Variants in WDR89 observed in about 807,000 individuals in gnomAD.
WDR89 encodes WD repeat-containing protein 89.
A neutral mutation model predicts 29.1 loss-of-function variants in WDR89; 17 were observed. That is an observed-to-expected ratio of 0.58 (90% CI 0.40 to 0.88). WDR89 has a LOEUF of 0.88. Ranked by LOEUF, WDR89 falls within the 40% of genes least tolerant of loss-of-function variation. WDR89 has a pLI of 0.00. For synonymous variants in WDR89, 138 were observed against 157.8 expected, an observed-to-expected ratio of 0.87 and a Z score of 0.94; for missense variants, 396 against 456.3, an observed-to-expected ratio of 0.87 and a Z score of 1.20.
intron 2 of WDR89, among the ~76,000 whole-genome samples, chr14:63,610,260 C>A: frequency 1.4e-5 from 2 of 143,142 alleles, no homozygotes; most frequent in South Asian, 2.3e-4. Flanking sequence ...GGATTACAAT[C>A]CAAAGAATAA....
intron 2 of WDR89, among the ~76,000 whole-genome samples, chr14:63,600,717 C>CCAAAA (rs1171343231): frequency 2.8e-5 from 1 of 36,144 alleles, no homozygotes; most frequent in East Asian, 1.4e-3. Context: ...GATATGTAGG[C>CCAAAA]AAAAAAAAAA....
intron 1 of WDR89, among the ~76,000 whole-genome samples, chr14:63,634,145 G>C (rs773200774): frequency 1.3e-5 from 2 of 151,876 alleles, no homozygotes; most frequent in Non-Finnish European, 2.9e-5. Context: ...CCAACACTTT[G>C]GGAGGCCGAG....
At chr14:63,629,766 A>AT (rs1294715915) in intron 1 of WDR89, among the ~76,000 whole-genome samples, 1 of 152,068 alleles carries the variant, frequency 6.6e-6, no homozygotes, top group Non-Finnish European at 1.5e-5. Context: ...GTCAAACTTT[A>AT]TTTTTTTTAT....
intron 1 of WDR89, among the ~76,000 whole-genome samples, chr14:63,629,055 TCTTCC>T (rs1883243313): frequency 6.6e-6 from 1 of 152,174 alleles, no homozygotes; most frequent in Non-Finnish European, 1.5e-5. Context: ...CCTAAAATGT[TCTTCC>T]CTTCATCACT....
At chr14:63,605,634 G>A (rs1895287433) in intron 2 of WDR89, among the ~76,000 whole-genome samples, 1 of 151,892 alleles carries the variant, frequency 6.6e-6, no homozygotes. Flanking sequence ...TAATTTTTGT[G>A]TTTTTAGTAG....
intron 2 of WDR89, among the ~76,000 whole-genome samples, chr14:63,619,523 T>C (rs1595028964): frequency 6.6e-6 from 1 of 152,106 alleles, no homozygotes; most frequent in African/African-American, 2.4e-5. Flanking sequence ...ACTATACACC[T>C]ACTAATAGTG....
chr14:63,637,952 A>G (rs531770948), intron 1 of WDR89, among the ~76,000 whole-genome samples: 1 of 147,678 alleles, frequency 6.8e-6, no homozygotes, highest in Admixed American at 6.8e-5. Flanking sequence ...TTACGGAAAA[A>G]TTTTTTTTTT....
intron 1 of WDR89, chr14:63,641,267 C>G (rs1162328524): frequency 1.3e-5 from 2 of 152,150 alleles, no homozygotes; most frequent in Non-Finnish European, 2.9e-5. Flanking sequence ...AACACTGCTT[C>G]GCGTGAAAAT....
chr14:63,610,235 A>C (rs965126081), intron 2 of WDR89, among the ~76,000 whole-genome samples: 9 of 151,204 alleles, frequency 6.0e-5, no homozygotes, highest in Non-Finnish European at 8.9e-5. Context: ...AAAAAAAAAA[A>C]AAAAAAAAAC....
rs1325352080 is a variant in WDR89 at position 63,599,928 on chromosome 14, C to T, written c.15G>A (p.Glu5=). Residue 5 remains glutamate, a synonymous_variant, in exon 3 of 3, where the codon GAG becomes GAA. Transcript: ENST00000620954. MEKI[E]EQFANLHIVK... ...CAATGTGCAGATTAGCAAATTGTTC[C>T]TCAATCTTTTCCATGTCAACAGCAG... 6.3e-7 allele frequency: 1 copy of T among 1,598,130 alleles called. No individual in the cohort carries two copies. The highest frequency in any genetic ancestry group is 8.5e-7 in the Non-Finnish European group (1 of 1,169,902).
chr14:63,613,548 G>T (rs1414656548), intron 2 of WDR89, among the ~76,000 whole-genome samples: 1 of 146,890 alleles, frequency 6.8e-6, no homozygotes, highest in African/African-American at 2.5e-5. Flanking sequence ...CCGTTGCCCA[G>T]ACTGGAGTGC....
intron 2 of WDR89, chr14:63,618,262 C>T (rs967817236): frequency 8.5e-5 from 13 of 152,186 alleles, no homozygotes; most frequent in Non-Finnish European, 1.5e-4. Context: ...TCAAATGATC[C>T]TCTGGCCTCA....
At chr14:63,630,226 G>T (rs1370359431) in intron 1 of WDR89, among the ~76,000 whole-genome samples, 1 of 151,646 alleles carries the variant, frequency 6.6e-6, no homozygotes, top group Non-Finnish European at 1.5e-5. Flanking sequence ...GGGATTACAG[G>T]CGTGAGCCAC....
intron 1 of WDR89, among the ~76,000 whole-genome samples, chr14:63,639,435 C>G (rs974439883): frequency 1.4e-4 from 20 of 147,074 alleles, no homozygotes; most frequent in African/African-American, 4.8e-4. Context: ...GTGTACTTTT[C>G]ACCAAAGGAA....
intron 1 of WDR89, among the ~76,000 whole-genome samples, chr14:63,634,815 A>AG (rs1337653641): frequency 6.6e-6 from 1 of 150,776 alleles, no homozygotes; most frequent in Non-Finnish European, 1.5e-5. Context: ...GGTTGCGGTG[A>AG]GCCAAGATCG....
At chr14:63,621,677 A>C (rs1882703769) in intron 2 of WDR89, 1 of 152,200 alleles carries the variant, frequency 6.6e-6, no homozygotes. Context: ...TTAAACACCA[A>C]AAGGACAGAA....
At position 63,599,557 on chromosome 14, in the gene WDR89, A is replaced by G. The variant is rs1894949672; in HGVS notation, c.386T>C (p.Ile129Thr). 6.2e-7 allele frequency: 1 copy of G among 1,614,064 alleles called. No homozygotes were observed. The highest frequency in any genetic ancestry group is 1.1e-5 in the South Asian group (1 of 91,078). The change falls in exon 3 of 3, where the codon ATT becomes ACT. Residue 129 changes from isoleucine to threonine, a missense_variant. Transcript: ENST00000620954. ...ISFDINCNDH[I>T]ICAGTEKVDD... ...AACTTTTTCTGTACCAGCACAAATA[A>G]TATGATCATTACAATTAATATCAAA...
In WDR89 at chr14:63,597,388, T is replaced by C. The variant is rs1894845501; in HGVS notation, c.*1391A>G. The C allele has an allele frequency of 2.6e-5, 4 of 152,222 alleles. No homozygotes were observed. The highest frequency in any genetic ancestry group is 9.6e-5 in the African/African-American group (4 of 41,460). The allele number at this position is 152,222 out of a possible 1,614,324, so 9.4% of individuals were successfully genotyped here. ...TACCAGCCATTTATGTTATTTCTAA[T>C]AACCCACTGCCCCCATTTCTTTTTT... On this transcript the variant is annotated 3_prime_UTR_variant, in exon 3 of 3. Transcript: ENST00000620954.
chr14:63,616,092 A>T (rs1002357384), intron 2 of WDR89, among the ~76,000 whole-genome samples: 1 of 151,900 alleles, frequency 6.6e-6, no homozygotes, highest in African/African-American at 2.4e-5. Flanking sequence ...AATTTAGCTA[A>T]TTTTTGTATT....
Sources: gnomAD v4.1 joint callset for allele counts (sites outside exome capture counted in the v4.1 genomes callset) on GRCh38, gnomAD v4.1.1 for gene constraint, MANE v1.5 for transcripts, NCBI Gene and HGNC (gene_info 2026-07-23, HGNC 2026-07-21) for gene names.